The following EPB41L4B variants were observed in gnomAD, a reference collection of about 807,000 sequenced individuals.
EPB41L4B encodes the protein erythrocyte membrane protein band 4.1 like 4B, also known as band 4.1-like protein 4B.
EPB41L4B carries 30 observed loss-of-function variants against 112.5 expected under a neutral mutation model. The ratio of observed to expected loss-of-function variants is 0.27; its 90% confidence interval spans 0.20 to 0.36. The LOEUF (loss-of-function observed/expected upper bound fraction) is 0.36. Among genes scored for constraint, EPB41L4B ranks in the 10% least tolerant of loss-of-function variants. The pLI is 1.00. For synonymous variants in EPB41L4B, 408 were observed against 439.7 expected, an observed-to-expected ratio of 0.93 and a Z score of 0.90; for missense variants, 1,024 against 1,133.3, an observed-to-expected ratio of 0.90 and a Z score of 1.38.
At chr9:109,312,180 C>T (rs1051200425) in intron 1 of EPB41L4B, among the ~76,000 whole-genome samples, 2 of 152,194 alleles carry the variant, frequency 1.3e-5, no homozygotes, top group Non-Finnish European at 2.9e-5. Context: ...ATATACACCA[C>T]GCTTATAAAC....
At chr9:109,175,761 G>A (rs577188653) in intron 25 of EPB41L4B, among the ~76,000 whole-genome samples, 6 of 152,238 alleles carry the variant, frequency 3.9e-5, no homozygotes, top group Admixed American at 1.3e-4. Context: ...AAGGCCCTAC[G>A]CAGTCTGGCC....
intron 12 of EPB41L4B, among the ~76,000 whole-genome samples, chr9:109,251,814 T>G (rs919625484): frequency 1.3e-5 from 2 of 152,018 alleles, no homozygotes; most frequent in Non-Finnish European, 1.5e-5. Flanking sequence ...GAAAGGCAGA[T>G]ACAGAGAAGT....
intron 25 of EPB41L4B, among the ~76,000 whole-genome samples, chr9:109,175,229 T>C (rs185809536): frequency 1.8e-4 from 27 of 152,226 alleles, no homozygotes; most frequent in African/African-American, 5.5e-4. Flanking sequence ...CAGTAAAGAC[T>C]TTTGAATGAA....
At chr9:109,254,010 C>A (rs532892679) in intron 11 of EPB41L4B, among the ~76,000 whole-genome samples, 1 of 152,352 alleles carries the variant, frequency 6.6e-6, no homozygotes, top group South Asian at 2.1e-4. Flanking sequence ...TTTCAACCAA[C>A]GTGACACCCG....
chr9:109,253,077 C>G (rs1330987424), intron 12 of EPB41L4B, among the ~76,000 whole-genome samples: 1 of 152,160 alleles, frequency 6.6e-6, no homozygotes, highest in Non-Finnish European at 1.5e-5. Flanking sequence ...GCCTGATGTC[C>G]ACACTTAAAA....
In EPB41L4B at chr9:109,176,050, G is replaced by GCACACA. The variant is rs58215877; in HGVS notation, c.2633+495_2633+500dup. Reference sequence around the variant, plus strand: ...TATCCCTTGTCAATATCACACACACGCACACACACACACACACACACACAC... The same window carrying GCACACA: ...TATCCCTTGTCAATATCACACACACGCACACACACACACACACACACACACACACAC... On this transcript the variant is annotated intron_variant, in intron 25 of 25. Transcript: ENST00000374566. Among the ~76,000 whole-genome samples, 306 of 32,958 alleles carry GCACACA rather than the reference G, an allele frequency of 9.3e-3. 1 individual carries two copies. Among genetic ancestry groups the GCACACA allele is most frequent in the Middle Eastern group, 0.04 (2 of 50 alleles). 21.6% of individuals were successfully genotyped at this position (32,958 alleles called of 152,430 possible).
intron 15 of EPB41L4B, among the ~76,000 whole-genome samples, chr9:109,228,526 C>T (rs140183643): frequency 2.6e-5 from 4 of 152,174 alleles, no homozygotes; most frequent in African/African-American, 9.7e-5. Flanking sequence ...AATCAAAAAG[C>T]AGTAAAATAT....
intron 1 of EPB41L4B, among the ~76,000 whole-genome samples, chr9:109,311,385 G>C (rs149204875): frequency 3.3e-5 from 5 of 152,108 alleles, no homozygotes; most frequent in African/African-American, 1.2e-4. Flanking sequence ...ACAGAGCTGA[G>C]GGATGCCAGC....
chr9:109,253,011 G>A (rs1244061703), intron 12 of EPB41L4B, among the ~76,000 whole-genome samples: 3 of 152,154 alleles, frequency 2.0e-5, no homozygotes, highest in Admixed American at 6.5e-5. Context: ...GACTTGAGCC[G>A]AATATCTAAA....
intron 12 of EPB41L4B, among the ~76,000 whole-genome samples, chr9:109,252,792 A>C: frequency 6.6e-6 from 1 of 152,110 alleles, no homozygotes; most frequent in Non-Finnish European, 1.5e-5. Context: ...GAAGAGCTAC[A>C]AGATGGGATC....
intron 6 of EPB41L4B, among the ~76,000 whole-genome samples, chr9:109,262,817 G>A (rs1002334353): frequency 6.6e-6 from 1 of 151,952 alleles, no homozygotes; most frequent in Non-Finnish European, 1.5e-5. Flanking sequence ...CCCCACAATG[G>A]GCCTTCCTTG....
At chr9:109,317,116 CAA>C (rs1054965469) in intron 1 of EPB41L4B, among the ~76,000 whole-genome samples, 1 of 151,660 alleles carries the variant, frequency 6.6e-6, no homozygotes, top group Admixed American at 6.6e-5. Context: ...AAAAACAAAA[CAA>C]AAAAAAGAAC....
chr9:109,224,656 A>G (rs1187875333), intron 15 of EPB41L4B, among the ~76,000 whole-genome samples: 3 of 152,226 alleles, frequency 2.0e-5, no homozygotes, highest in Non-Finnish European at 4.4e-5. Context: ...TGGTGAAAAT[A>G]CTAAAAAACA....
chr9:109,176,666 A>G lies in EPB41L4B; in HGVS notation c.2518T>C (p.Cys840Arg), dbSNP rs773025434. ...ADFRDSKLQC[C>R]PGPTSPLIPA... ...ATCAGCGGGGAAGTCGGGCCAGGACAGCACTGTAATTTACTGTCTCTGAAG... is the reference window on the plus strand; with the variant it reads ...ATCAGCGGGGAAGTCGGGCCAGGACGGCACTGTAATTTACTGTCTCTGAAG... Residue 840 changes from cysteine (C) to arginine (R), a missense_variant, in exon 25 of 26, where the codon TGT (cysteine) becomes CGT (arginine). Physicochemically the swap from Cys to Arg is radical, Grantham distance 180 (BLOSUM62 -3). Transcript: ENST00000374566. The G allele has an allele frequency of 6.8e-6, 11 of 1,613,520 alleles. No homozygotes were observed. Among genetic ancestry groups the G allele is most frequent in the African/African-American group, 1.3e-5 (1 of 74,906 alleles).
chr9:109,244,411 G>C (rs1452224032), intron 14 of EPB41L4B, among the ~76,000 whole-genome samples: 1 of 137,148 alleles, frequency 7.3e-6, no homozygotes, highest in African/African-American at 2.6e-5. Flanking sequence ...AGAAAGAAGA[G>C]AAGGAAGGAG....
At chr9:109,192,892 G>A (rs1252914631) in intron 21 of EPB41L4B, among the ~76,000 whole-genome samples, 2 of 152,186 alleles carry the variant, frequency 1.3e-5, no homozygotes, top group African/African-American at 2.4e-5. Flanking sequence ...TCCCATCAAC[G>A]TGGTTCAAGC....
rs1834191775 is a variant in EPB41L4B at position 109,237,589 on chromosome 9, C to G, written c.1409+6029G>C. On this transcript the variant is annotated intron_variant, in intron 15 of 25. Coordinates refer to ENST00000374566, the MANE Select transcript of EPB41L4B (RefSeq NM_019114.5). ...AGAATAATGTCCAATCTCTGCGGGA[C>G]TACTGCTGAATGATGCCTGTGGGGA... 2.6e-5 allele frequency among the ~76,000 whole-genome samples: 4 copies of G among 152,086 alleles called. No individual in the cohort carries two copies. In the South Asian group the frequency reaches 8.3e-4, roughly 32 times the overall value.
At chr9:109,268,670 G>A (rs368020016) in intron 2 of EPB41L4B, among the ~76,000 whole-genome samples, 8 of 151,896 alleles carry the variant, frequency 5.3e-5, no homozygotes, top group African/African-American at 9.7e-5. Flanking sequence ...AGGCCGAGGC[G>A]GGCGGATCAC....
intron 7 of EPB41L4B, 21 bp downstream of exon 7, chr9:109,258,156 T>C (rs1189833306): frequency 1.9e-6 from 3 of 1,606,832 alleles, no homozygotes; most frequent in East Asian, 2.2e-5. Flanking sequence ...ATCAGAATGC[T>C]AGACGGTTGC....
Sources: gnomAD v4.1 joint callset for allele counts (sites outside exome capture counted in the v4.1 genomes callset) on GRCh38, gnomAD v4.1.1 for gene constraint, MANE v1.5 for transcripts, NCBI Gene and HGNC (gene_info 2026-07-23, HGNC 2026-07-21) for gene names.